Variants in LHFPL3 observed in about 807,000 individuals in gnomAD.
LHFPL3 encodes LHFPL tetraspan subfamily member 3.
Under a neutral mutation model 19.3 loss-of-function variants are expected in LHFPL3, and 5 were observed. The observed-to-expected ratio is 0.26, with a 90% confidence interval of 0.14 to 0.54. LHFPL3 has a LOEUF of 0.54. LHFPL3 is among the 20% of genes least tolerant of loss of function. The pLI is 0.94. For missense variants in LHFPL3, 249 were observed against 307.4 expected, an observed-to-expected ratio of 0.81 and a Z score of 1.42; for synonymous variants, 133 against 126.2, an observed-to-expected ratio of 1.05 and a Z score of -0.36.
chr7:104,717,401 C>G (rs1192484298), intron 1 of LHFPL3, among the ~76,000 whole-genome samples: 1 of 152,044 alleles, frequency 6.6e-6, no homozygotes, highest in Non-Finnish European at 1.5e-5. Flanking sequence ...TTTGCAAACT[C>G]TATATCTGAT....
intron 2 of LHFPL3, among the ~76,000 whole-genome samples, chr7:104,777,671 T>C (rs771583138): frequency 1.3e-4 from 20 of 152,230 alleles, no homozygotes; most frequent in Non-Finnish European, 2.5e-4. Context: ...TTTGTCTTAA[T>C]TACTCTGAAG....
rs1318576932 is a variant in LHFPL3, at chr7:104,578,703, C to T, written c.446-157972C>T. Among the ~76,000 whole-genome samples the T allele has an allele frequency of 3.3e-5, 5 of 152,116 alleles. No homozygotes were observed. The East Asian group carries it at 7.7e-4, about 23-fold the overall frequency. On this transcript the variant is annotated intron_variant, in intron 1 of 2. Transcript: ENST00000424859. ...GTGATAGATTGTGCTTGACAGTACC[C>T]CCCTACCCCCAACCAGTAAGGACCA...
At chr7:104,538,575 T>C (rs965144547) in intron 1 of LHFPL3, among the ~76,000 whole-genome samples, 2 of 152,222 alleles carry the variant, frequency 1.3e-5, no homozygotes, top group Admixed American at 6.5e-5. Context: ...GCCATTGTTT[T>C]CTTTATCACA....
intron 1 of LHFPL3, among the ~76,000 whole-genome samples, chr7:104,371,004 A>C (rs1427752909): frequency 6.6e-6 from 1 of 152,204 alleles, no homozygotes; most frequent in Non-Finnish European, 1.5e-5. Flanking sequence ...CATTTTCTTA[A>C]ACTGCAACAC....
intron 1 of LHFPL3, among the ~76,000 whole-genome samples, chr7:104,334,241 G>A (rs531739237): frequency 6.6e-6 from 1 of 152,116 alleles, no homozygotes; most frequent in South Asian, 2.1e-4. Flanking sequence ...AAAGGAAAAA[G>A]GACTTTAAAT....
At chr7:104,778,442 T>A (rs17141520) in intron 2 of LHFPL3, among the ~76,000 whole-genome samples, 1 of 151,994 alleles carries the variant, frequency 6.6e-6, no homozygotes, top group African/African-American at 2.4e-5. Flanking sequence ...CTCCAGAGAC[T>A]TACCCAAGAG....
chr7:104,470,736 C>T (rs903735124), intron 1 of LHFPL3, among the ~76,000 whole-genome samples: 10 of 152,124 alleles, frequency 6.6e-5, no homozygotes, highest in Non-Finnish European at 1.2e-4. Context: ...CCCTGGAGTC[C>T]GTGTTCTTAA....
At chr7:104,597,916 T>C (rs2115680299) in intron 1 of LHFPL3, among the ~76,000 whole-genome samples, 2 of 152,266 alleles carry the variant, frequency 1.3e-5, no homozygotes, top group South Asian at 4.1e-4. Context: ...GGATAAGACA[T>C]CAGTTTGAAA....
At chr7:104,575,764 A>G (rs965161806) in intron 1 of LHFPL3, among the ~76,000 whole-genome samples, 6 of 151,908 alleles carry the variant, frequency 3.9e-5, no homozygotes, top group African/African-American at 1.5e-4. Flanking sequence ...CTCCCACCTC[A>G]GCCTCCCAAA....
At chr7:104,375,565 CAAA>C (rs1209150786) in intron 1 of LHFPL3, among the ~76,000 whole-genome samples, 5 of 152,044 alleles carry the variant, frequency 3.3e-5, no homozygotes, top group African/African-American at 1.2e-4. Context: ...GAAAAGTAAT[CAAA>C]ATAGTATAAA....
chr7:104,578,414 G>A (rs1257286312), intron 1 of LHFPL3, among the ~76,000 whole-genome samples: 2 of 152,154 alleles, frequency 1.3e-5, no homozygotes, highest in African/African-American at 4.8e-5. Context: ...TCCAGCCAGG[G>A]GTATCCCCTG....
Position 104,380,563 on chromosome 7 carries a change from G to C in LHFPL3, c.445+51339G>C, listed in dbSNP as rs79410084. Among the ~76,000 whole-genome samples, 1,251 of 152,160 alleles carry C rather than the reference G, an allele frequency of 8.2e-3. 16 individuals carry two copies. The highest frequency in any genetic ancestry group is 0.029 in the African/African-American group (1,188 of 41,532). On this transcript the variant is annotated intron_variant, in intron 1 of 2. Coordinates refer to ENST00000424859, the MANE Select transcript of LHFPL3 (RefSeq NM_199000.3). ...ATATCTGTAATGTAAACATATCTGG[G>C]ATATTTTTGAGTTTCAAGAGTAAAG... is the stretch of plus-strand genomic sequence containing the variant.
At chr7:104,464,359 T>C (rs866337068) in intron 1 of LHFPL3, among the ~76,000 whole-genome samples, 1 of 152,174 alleles carries the variant, frequency 6.6e-6, no homozygotes, top group Non-Finnish European at 1.5e-5. Context: ...TGTTGGTGGA[T>C]ACCATTCTTG....
rs75534483 is a variant in LHFPL3, at chr7:104,659,106, G to T, written c.446-77569G>T. ...GTGCCTTTGCATGTGACCTTCCCAC[G>T]GAACCCCCTTCTTCTCCTCCCTGCT... On this transcript the variant is annotated intron_variant, in intron 1 of 2. Coordinates refer to ENST00000424859, the MANE Select transcript of LHFPL3 (RefSeq NM_199000.3). 5.2e-3 allele frequency among the ~76,000 whole-genome samples: 788 copies of T among 152,272 alleles called. 44 individuals carry two copies. The East Asian group carries it at 0.11, about 22-fold the overall frequency.
chr7:104,829,157 A>AC (rs1170527803), intron 2 of LHFPL3, among the ~76,000 whole-genome samples: 4 of 151,034 alleles, frequency 2.6e-5, no homozygotes, highest in South Asian at 2.1e-4. Flanking sequence ...GAAACAGCAC[A>AC]CCCCCATTAA....
intron 1 of LHFPL3, among the ~76,000 whole-genome samples, chr7:104,653,929 T>C (rs1038799604): frequency 2.0e-5 from 3 of 152,208 alleles, no homozygotes; most frequent in African/African-American, 7.2e-5. Flanking sequence ...CAGGTGATGT[T>C]GCTTCCCTAA....
At chr7:104,372,927 TA>T (rs1790641435) in intron 1 of LHFPL3, among the ~76,000 whole-genome samples, 1 of 143,658 alleles carries the variant, frequency 7.0e-6, no homozygotes, top group South Asian at 2.2e-4. Flanking sequence ...TCATTGATCA[TA>T]CTTCTGAGTA....
intron 1 of LHFPL3, among the ~76,000 whole-genome samples, chr7:104,632,790 G>T (rs1162329730): frequency 6.6e-6 from 1 of 152,176 alleles, no homozygotes; most frequent in Non-Finnish European, 1.5e-5. Context: ...GGGACTACAG[G>T]TGCGCAGCAC....
rs1284051507 is a variant in LHFPL3 at position 104,611,676 on chromosome 7, T to TAGA, written c.446-124994_446-124992dup. 9.2e-5 allele frequency among the ~76,000 whole-genome samples: 14 copies of TAGA among 151,686 alleles called. No individual in the cohort carries two copies. The East Asian group carries it at 2.7e-3, about 29-fold the overall frequency. On this transcript the variant is annotated intron_variant, in intron 1 of 2. Transcript: ENST00000424859. The stretch of plus-strand genomic sequence containing the variant: ...ATTTCCAAGGTTCAAATTAACTATA[T>TAGA]AGAAGAAAAAAAGAAACATAAAAAT...
Sources: gnomAD v4.1 joint callset for allele counts (sites outside exome capture counted in the v4.1 genomes callset) on GRCh38, gnomAD v4.1.1 for gene constraint, MANE v1.5 for transcripts, NCBI Gene and HGNC (gene_info 2026-07-23, HGNC 2026-07-21) for gene names.